HMGN4: variants seen among roughly 807,000 people sequenced by gnomAD.
HMGN4 encodes the protein high mobility group nucleosomal binding domain 4.
For synonymous variants in HMGN4, 39 were observed against 39.1 expected (o/e 1.00, Z 0.01); for missense variants, 69 against 104.9 (o/e 0.66, Z 1.49).
At chr6:26,541,382 G>C (rs1764286425) in intron 1 of HMGN4, among the ~76,000 whole-genome samples, 1 of 152,184 alleles carries the variant, frequency 6.6e-6, no homozygotes, top group Admixed American at 6.5e-5. Context: ...CGCTAGGGCT[G>C]CCGAAACAAG....
intron 1 of HMGN4, among the ~76,000 whole-genome samples, chr6:26,539,518 G>T (rs1398206752): frequency 6.6e-6 from 1 of 151,364 alleles, no homozygotes; most frequent in Non-Finnish European, 1.5e-5. Context: ...TGATCCGCCC[G>T]CCTCGGCCTC....
At chr6:26,544,383 T>A (rs939414647) in intron 1 of HMGN4, among the ~76,000 whole-genome samples, 1 of 152,238 alleles carries the variant, frequency 6.6e-6, no homozygotes, top group Non-Finnish European at 1.5e-5. Context: ...TTGAGATTCA[T>A]CCTCGTTTTT....
rs60635902 is a variant in HMGN4 at position 26,543,768 on chromosome 6, CAAAAAAAAAAA to C, written c.-80-1342_-80-1332del. ...AGAACGAGACTCTGAGACTCTATCT[CAAAAAAAAAAA>C]AAAAAAAAAAAAAAAACTGGAGCAA... On this transcript the variant is annotated intron_variant, in intron 1 of 1. Coordinates refer to ENST00000377575, the MANE Select transcript of HMGN4 (RefSeq NM_006353.3). Among the ~76,000 whole-genome samples the C allele has an allele frequency of 5.6e-3, 213 of 38,336 alleles. 2 individuals carry two copies. Among genetic ancestry groups the C allele is most frequent in the African/African-American group, 0.03 (206 of 6,844 alleles). 25.1% of individuals were successfully genotyped at this position (38,336 alleles called of 152,430 possible).
At chr6:26,541,379 G>A (rs1490669436) in intron 1 of HMGN4, among the ~76,000 whole-genome samples, 1 of 152,158 alleles carries the variant, frequency 6.6e-6, no homozygotes, top group African/African-American at 2.4e-5. Flanking sequence ...GTCCGCTAGG[G>A]CTGCCGAAAC....
chr6:26,541,307 A>G (rs1267489511), intron 1 of HMGN4, among the ~76,000 whole-genome samples: 1 of 152,252 alleles, frequency 6.6e-6, no homozygotes, highest in Admixed American at 6.5e-5. Flanking sequence ...CTGGGATTAC[A>G]GGCGTGAGCC....
chr6:26,545,100 G>A lies in HMGN4; in HGVS notation c.-80-27G>A, dbSNP rs549983424. 2.1e-5 allele frequency: 20 copies of A among 955,072 alleles called. No homozygotes were observed. The Admixed American group carries it at 4.4e-4, about 21-fold the overall frequency. The allele number at this position is 955,072 out of a possible 1,614,324, so 59.2% of individuals were successfully genotyped here. A position where few individuals can be genotyped will look rare whatever the true frequency, so the allele number is the denominator to read the frequency against. On this transcript the variant is annotated intron_variant, in intron 1 of 1. Coordinates refer to ENST00000377575, the MANE Select transcript of HMGN4 (RefSeq NM_006353.3). ...ACATTCGTCAGTCTTTCCCTTTATG[G>A]TTTACGCTTTTTGTGTCTTGTTAAA...
intron 1 of HMGN4, among the ~76,000 whole-genome samples, chr6:26,541,479 G>A (rs1418502697): frequency 2.0e-5 from 3 of 152,278 alleles, no homozygotes; most frequent in Admixed American, 6.5e-5. Flanking sequence ...ATGTCGGCAG[G>A]TTTGGTTTCT....
rs996143631 is a variant in HMGN4, at chr6:26,545,344, A to G, written c.138A>G (p.Ala46=). Residue 46 remains alanine, a synonymous_variant, in exon 2 of 2, where the codon GCA becomes GCG. Transcript: ENST00000377575. ...KPEPRPKKAS[A]KKGEKLPKGR... The stretch of plus-strand genomic sequence containing the variant: ...AGCCCAGGCCTAAAAAGGCCTCTGC[A>G]AAGAAGGGAGAGAAGCTTCCCAAAG... The G allele has an allele frequency of 6.8e-6, 11 of 1,614,034 alleles. No homozygotes were observed. The highest frequency in any genetic ancestry group is 9.3e-6 in the Non-Finnish European group (11 of 1,180,028).
intron 1 of HMGN4, among the ~76,000 whole-genome samples, chr6:26,539,659 GAAAA>G (rs1764265157): frequency 7.2e-6 from 1 of 138,670 alleles, no homozygotes; most frequent in East Asian, 2.2e-4. Context: ...AAAAAGAAAA[GAAAA>G]GAAAGAAAAG....
chr6:26,545,447 C>G lies in HMGN4; in HGVS notation c.241C>G (p.Gln81Glu). 1 of 1,587,360 alleles carries G rather than the reference C, an allele frequency of 6.3e-7. No individual in the cohort carries two copies. The highest frequency in any genetic ancestry group is 8.6e-7 in the Non-Finnish European group (1 of 1,168,774). ...CCGAGATGCCTCTACACTCCAGTCC[C>G]AGAAAGCGGAAGGCACTGGGGATGC... ...KNRDASTLQS[Q>E]KAEGTGDAK The change falls in exon 2 of 2, where the codon CAG becomes GAG. Residue 81 changes from glutamine to glutamate, a missense_variant. Transcript: ENST00000377575.
chr6:26,539,019 C>G (rs978710606), intron 1 of HMGN4, among the ~76,000 whole-genome samples: 2 of 152,198 alleles, frequency 1.3e-5, no homozygotes, highest in African/African-American at 4.8e-5. Flanking sequence ...AAGAAATGGA[C>G]CAGCACTTGT....
intron 1 of HMGN4, among the ~76,000 whole-genome samples, chr6:26,541,922 T>G (rs1479152069): frequency 6.6e-6 from 1 of 152,220 alleles, no homozygotes; most frequent in Non-Finnish European, 1.5e-5. Flanking sequence ...GAAGAGTTAT[T>G]TTAACAAAGG....
chr6:26,542,389 A>T lies in HMGN4; in HGVS notation c.-80-2738A>T, dbSNP rs1341274644. On this transcript the variant is annotated intron_variant, in intron 1 of 1. Transcript: ENST00000377575. This position sits in a 1 kb window ranked among gnomAD's most constrained non-coding sequence, Gnocchi z 4.6. Reference sequence around the variant, plus strand: ...GATAGCTTATTATTAACTAAAATATATAGTTTACATCAGGGTTCACTCACT... The same window carrying T: ...GATAGCTTATTATTAACTAAAATATTTAGTTTACATCAGGGTTCACTCACT... Among the ~76,000 whole-genome samples the T allele has an allele frequency of 6.6e-6, 1 of 152,238 alleles. No individual in the cohort carries two copies. The highest frequency in any genetic ancestry group is 2.4e-5 in the African/African-American group (1 of 41,466).
At chr6:26,543,786 A>C (rs1581446750) in intron 1 of HMGN4, among the ~76,000 whole-genome samples, 1 of 148,078 alleles carries the variant, frequency 6.8e-6, no homozygotes, top group Non-Finnish European at 1.5e-5. Flanking sequence ...AAAAAAAAAA[A>C]AAAAAAAAAC....
In HMGN4 at chr6:26,543,421, CT is replaced by C. The variant is rs70977285; in HGVS notation, c.-80-1688del. Among the ~76,000 whole-genome samples, 43 of 80,136 alleles carry C rather than the reference CT, an allele frequency of 5.4e-4. 1 individual carries two copies. The highest frequency in any genetic ancestry group is 9.1e-3 in the Middle Eastern group (1 of 110). 52.6% of individuals were successfully genotyped at this position (80,136 alleles called of 152,430 possible). A position where few individuals can be genotyped will look rare whatever the true frequency, so the allele number is the denominator to read the frequency against. On this transcript the variant is annotated intron_variant, in intron 1 of 1. Transcript: ENST00000377575. ...CTGTATGTCTCAGTGGCACCATTACCTTTTTTTTTTTTTTTTTTGAAGCAGA... is the reference window on the plus strand; with the variant it reads ...CTGTATGTCTCAGTGGCACCATTACCTTTTTTTTTTTTTTTTTGAAGCAGA...
At position 26,545,302 on chromosome 6, in the gene HMGN4, A is replaced by G. The variant is rs1452537103; in HGVS notation, c.96A>G (p.Pro32=). 2 of 1,614,202 alleles carry G rather than the reference A, an allele frequency of 1.2e-6. No individual in the cohort carries two copies. Among genetic ancestry groups the G allele is most frequent in the Non-Finnish European group, 1.7e-6 (2 of 1,180,036 alleles). Residue 32 remains proline (P), a synonymous_variant, in exon 2 of 2, where the codon CCA becomes CCG. Coordinates refer to ENST00000377575, the MANE Select transcript of HMGN4 (RefSeq NM_006353.3). ...QRRSARLSAK[P]APPKPEPRPK... ...GATCAGCTCGGTTGTCTGCTAAACC[A>G]GCTCCTCCAAAACCAGAGCCCAGGC...
chr6:26,541,676 G>T (rs1223031099), intron 1 of HMGN4, among the ~76,000 whole-genome samples: 1 of 151,324 alleles, frequency 6.6e-6, no homozygotes, highest in Non-Finnish European at 1.5e-5. Context: ...AGCTATTTTT[G>T]CCAGTTAATT....
Position 26,542,883 on chromosome 6 carries a change from CGAA to C in HMGN4, c.-80-2238_-80-2236del, listed in dbSNP as rs1764304352. Among the ~76,000 whole-genome samples the C allele has an allele frequency of 6.6e-6, 1 of 152,090 alleles. No homozygotes were observed. The highest frequency in any genetic ancestry group is 2.4e-5 in the African/African-American group (1 of 41,394). Reference sequence around the variant, plus strand: ...CGGATGGACTTCAATGGATCTAACTCGAAGAAGACTGAACCCAGGAAAAGAGAC... The same window carrying C: ...CGGATGGACTTCAATGGATCTAACTCGAAGACTGAACCCAGGAAAAGAGAC... On this transcript the variant is annotated intron_variant, in intron 1 of 1. Coordinates refer to ENST00000377575, the MANE Select transcript of HMGN4 (RefSeq NM_006353.3). The surrounding 1 kb of genome is among the most constrained non-coding windows in gnomAD (Gnocchi z 4.6).
At chr6:26,539,634 TA>T (rs61003052) in intron 1 of HMGN4, among the ~76,000 whole-genome samples, 43,377 of 125,194 alleles carry the variant, frequency 0.35, 7,210 homozygotes, top group Middle Eastern at 0.46. Context: ...TCCGCAAAAT[TA>T]AAAAAAAAAA....
Sources: gnomAD v4.1 joint callset for allele counts (sites outside exome capture counted in the v4.1 genomes callset) on GRCh38, gnomAD v4.1.1 for gene constraint, Gnocchi (gnomAD v3.1) non-coding constraint, MANE v1.5 for transcripts, NCBI Gene and HGNC (gene_info 2026-07-23, HGNC 2026-07-21) for gene names.